The following STAG1 variants were observed in gnomAD, a reference collection of about 807,000 sequenced individuals.
The protein encoded by STAG1 is cohesin subunit SA-1.
In STAG1, 26 loss-of-function variants were observed where a neutral mutation model predicts 170.9. The ratio of observed to expected loss-of-function variants is 0.15; its 90% confidence interval spans 0.11 to 0.21. The LOEUF is 0.21. STAG1 is among the 10% of genes least tolerant of loss of function. STAG1 has a pLI of 1.00. For synonymous variants in STAG1, 514 were observed against 497.7 expected (o/e 1.03, Z -0.44); for missense variants, 964 against 1,509.5 (o/e 0.64, Z 5.99).
At chr3:136,645,023 C>G (rs1576708329) in intron 1 of STAG1, among the ~76,000 whole-genome samples, 1 of 152,314 alleles carries the variant, frequency 6.6e-6, no homozygotes, top group East Asian at 1.9e-4. Flanking sequence ...AATCACCATG[C>G]CTGGCCTGTC....
chr3:136,589,975 T>C (rs2107790889), intron 4 of STAG1, among the ~76,000 whole-genome samples: 1 of 151,020 alleles, frequency 6.6e-6, no homozygotes, highest in African/African-American at 2.4e-5. Context: ...ATACAAAAAA[T>C]AGCCAGGCCT....
At chr3:136,704,075 G>C (rs113752040) in intron 1 of STAG1, among the ~76,000 whole-genome samples, 93 of 147,248 alleles carry the variant, frequency 6.3e-4, no homozygotes, top group African/African-American at 2.3e-3. Context: ...TTTTGAGATG[G>C]AGTCTCACTC....
At chr3:136,366,238 T>C (rs189709282) in intron 25 of STAG1, among the ~76,000 whole-genome samples, 1 of 152,246 alleles carries the variant, frequency 6.6e-6, no homozygotes, top group African/African-American at 2.4e-5. Context: ...ATGATGATAC[T>C]ATTTCTTACA....
rs2087240749 is a variant in STAG1, at chr3:136,398,845, A to C, written c.2197-16T>G. ...GCACGACTATCTGTATCAAATGAAA[A>C]AAAATTTTTTTAATGAAAAATTCAA... On this transcript the variant is annotated splice_polypyrimidine_tract_variant and intron_variant, in intron 21 of 33. Transcript: ENST00000383202. 1.3e-6 allele frequency: 2 copies of C among 1,525,604 alleles called. No homozygotes were observed. The highest frequency in any genetic ancestry group is 2.8e-5 in the African/African-American group (2 of 70,978). 94.5% of individuals were successfully genotyped at this position (1,525,604 alleles called of 1,614,324 possible).
chr3:136,656,613 T>G (rs887559281), intron 1 of STAG1, among the ~76,000 whole-genome samples: 1 of 59,554 alleles, frequency 1.7e-5, no homozygotes, highest in African/African-American at 2.0e-4. Flanking sequence ...CTCTCTGTAT[T>G]TATTTGTGTG....
At chr3:136,627,162 G>A (rs1431866945) in intron 2 of STAG1, among the ~76,000 whole-genome samples, 1 of 152,212 alleles carries the variant, frequency 6.6e-6, no homozygotes, top group African/African-American at 2.4e-5. Context: ...CTTAAACAGT[G>A]AGAACTATTG....
intron 16 of STAG1, among the ~76,000 whole-genome samples, chr3:136,428,657 T>G (rs181479243): frequency 6.6e-4 from 101 of 152,324 alleles, no homozygotes; most frequent in Non-Finnish European, 1.9e-4. Context: ...GCCATTGTTG[T>G]TCTAAAGCCA....
intron 2 of STAG1, 132 bp from the exon 3 acceptor site, chr3:136,623,380 A>G: frequency 1.6e-6 from 1 of 644,270 alleles, no homozygotes; most frequent in Non-Finnish European, 2.5e-6. Flanking sequence ...GAAACTCTCT[A>G]GCAAACTAAA....
At chr3:136,603,487 A>G (rs1938779540) in intron 4 of STAG1, among the ~76,000 whole-genome samples, 1 of 152,230 alleles carries the variant, frequency 6.6e-6, no homozygotes, top group African/African-American at 2.4e-5. Context: ...AAATATACAC[A>G]CTAAAGAAAA....
At chr3:136,659,076 C>T (rs1479658520) in intron 1 of STAG1, among the ~76,000 whole-genome samples, 1 of 152,158 alleles carries the variant, frequency 6.6e-6, no homozygotes, top group Non-Finnish European at 1.5e-5. Flanking sequence ...GCACAATTAA[C>T]AACCTTCTCA....
At chr3:136,461,007 C>A (rs1387943975) in intron 13 of STAG1, among the ~76,000 whole-genome samples, 1 of 152,186 alleles carries the variant, frequency 6.6e-6, no homozygotes, top group African/African-American at 2.4e-5. Flanking sequence ...GGATTTATAT[C>A]AGGGACACAA....
chr3:136,636,343 A>G (rs1314456768), intron 1 of STAG1, among the ~76,000 whole-genome samples: 1 of 152,166 alleles, frequency 6.6e-6, no homozygotes, highest in Non-Finnish European at 1.5e-5. Flanking sequence ...ATGATTTGCT[A>G]AGCAAATCAA....
At chr3:136,526,373 C>G (rs1479738380) in intron 6 of STAG1, among the ~76,000 whole-genome samples, 2 of 152,128 alleles carry the variant, frequency 1.3e-5, no homozygotes, top group Non-Finnish European at 2.9e-5. Context: ...CTCTTTCTAT[C>G]TTTGTTGGTT....
chr3:136,556,201 C>T (rs754434280), intron 5 of STAG1, among the ~76,000 whole-genome samples: 1 of 152,052 alleles, frequency 6.6e-6, no homozygotes, highest in Admixed American at 6.6e-5. Context: ...TAATAACGGA[C>T]GTATAAGACC....
intron 6 of STAG1, among the ~76,000 whole-genome samples, chr3:136,541,515 T>C (rs1187299939): frequency 4.2e-5 from 5 of 119,178 alleles, no homozygotes. Context: ...TCAAGTAGAG[T>C]ATCCCAAATA....
At chr3:136,561,170 T>A (rs553682894) in intron 5 of STAG1, among the ~76,000 whole-genome samples, 1 of 152,176 alleles carries the variant, frequency 6.6e-6, no homozygotes, top group Non-Finnish European at 1.5e-5. Context: ...ACAAAAAAAT[T>A]TCCCCCACTT....
At chr3:136,347,081 T>TTA (rs1936252208) in intron 29 of STAG1, among the ~76,000 whole-genome samples, 2 of 118,222 alleles carry the variant, frequency 1.7e-5, no homozygotes, top group South Asian at 2.8e-4. Flanking sequence ...CCTGTCTCAT[T>TTA]AAAAAAAAAA....
chr3:136,425,941 A>G (rs1448150337), intron 16 of STAG1, among the ~76,000 whole-genome samples: 1 of 151,568 alleles, frequency 6.6e-6, no homozygotes, highest in Non-Finnish European at 1.5e-5. Context: ...TAGCACTGTC[A>G]TTCTTGTTTC....
chr3:136,676,126 A>G (rs1942122750), intron 1 of STAG1, among the ~76,000 whole-genome samples: 1 of 152,244 alleles, frequency 6.6e-6, no homozygotes, highest in African/African-American at 2.4e-5. Context: ...AAAATATGGT[A>G]CAGAAGACTT....
Sources: allele counts gnomAD v4.1 joint callset (sites outside exome capture counted in the v4.1 genomes callset), GRCh38; gene constraint gnomAD v4.1.1; transcripts MANE v1.5; gene names NCBI Gene and HGNC (gene_info 2026-07-23, HGNC 2026-07-21).